The following SPECC1 variants were observed in gnomAD, a reference collection of about 807,000 sequenced individuals.
The protein encoded by SPECC1 is cytospin-B.
Under a neutral mutation model 104.1 loss-of-function variants are expected in SPECC1, and 62 were observed. That is an observed-to-expected ratio of 0.60 (90% confidence interval 0.49 to 0.74). The LOEUF (loss-of-function observed/expected upper bound fraction) is 0.74. Ranked by LOEUF, SPECC1 falls within the 30% of genes least tolerant of loss-of-function variation. SPECC1 has a pLI of 0.00. For missense variants in SPECC1, 1,306 were observed against 1,310.5 expected (o/e 1.00, Z 0.05); for synonymous variants, 513 against 501.6 (o/e 1.02, Z -0.30).
intron 4 of SPECC1, among the ~76,000 whole-genome samples, chr17:20,207,030 C>G (rs2036832223): frequency 6.6e-6 from 1 of 152,104 alleles, no homozygotes; most frequent in Admixed American, 6.5e-5. Context: ...ATATTCTGCC[C>G]ACCTCCCAGA....
At chr17:20,286,142 TG>T (rs756657487) in intron 12 of SPECC1, among the ~76,000 whole-genome samples, 7 of 152,154 alleles carry the variant, frequency 4.6e-5, no homozygotes, top group Non-Finnish European at 4.4e-5. Flanking sequence ...CACATGTGCA[TG>T]GGGGATGCTC....
Position 20,204,653 on chromosome 17 carries a change from G to T in SPECC1, c.604G>T (p.Ala202Ser). Residue 202 changes from alanine (A) to serine (S), a missense_variant, in exon 4 of 15, where the codon GCT (alanine) becomes TCT (serine). Around this residue, in one of 2 missense-constraint regions of SPECC1, gnomAD observed 1,177 missense variants for 1,139.9 expected, o/e 1.03. Transcript: ENST00000395527. ...ATACAAAGAGAAAAGGACTCTGAAC[G>T]CTGAGGGGACTGATGCTTTGGGCCC... is the stretch of plus-strand genomic sequence containing the variant. The part of the protein sequence containing the change: ...KKYKEKRTLN[A>S]EGTDALGPNV... The T allele has an allele frequency of 6.2e-7, 1 of 1,614,072 alleles. No individual in the cohort carries two copies. The highest frequency in any genetic ancestry group is 1.1e-5 in the South Asian group (1 of 91,054).
intron 3 of SPECC1, among the ~76,000 whole-genome samples, chr17:20,145,781 C>CAGGA (rs903325859): frequency 2.0e-5 from 3 of 152,066 alleles, no homozygotes; most frequent in East Asian, 1.9e-4. Context: ...CCCTGGCAGG[C>CAGGA]AGGAAGGAAG....
chr17:20,026,057 GGTT>G (rs1567800062), intron 1 of SPECC1, among the ~76,000 whole-genome samples: 1 of 151,060 alleles, frequency 6.6e-6, no homozygotes, highest in Non-Finnish European at 1.5e-5. Flanking sequence ...TTTTGAATTG[GGTT>G]GTTTTGTTGT....
chr17:20,313,314 G>T (rs2041979668), intron 14 of SPECC1, among the ~76,000 whole-genome samples: 2 of 152,128 alleles, frequency 1.3e-5, no homozygotes, highest in African/African-American at 4.8e-5. Context: ...AAAATAAATG[G>T]TTGCATTTGA....
At chr17:20,050,457 T>A (rs1035083786) in intron 1 of SPECC1, among the ~76,000 whole-genome samples, 4 of 152,216 alleles carry the variant, frequency 2.6e-5, no homozygotes, top group Non-Finnish European at 5.9e-5. Flanking sequence ...CTTTTAAAAT[T>A]TAGGCTTAAA....
At chr17:20,137,761 G>A (rs1017694288) in intron 3 of SPECC1, among the ~76,000 whole-genome samples, 2 of 151,958 alleles carry the variant, frequency 1.3e-5, no homozygotes, top group South Asian at 4.1e-4. Context: ...TGCCTCCCGG[G>A]TTCAAGTGAT....
At chr17:20,109,456 G>A (rs1196005632) in intron 2 of SPECC1, among the ~76,000 whole-genome samples, 3 of 152,174 alleles carry the variant, frequency 2.0e-5, no homozygotes, top group Admixed American at 6.5e-5. Flanking sequence ...TCTCATTAAC[G>A]TTGAATGTAA....
chr17:20,299,033 A>G (rs143900276), intron 13 of SPECC1, among the ~76,000 whole-genome samples: 64 of 149,596 alleles, frequency 4.3e-4, no homozygotes, highest in African/African-American at 1.6e-3. Context: ...CTAAGGAACT[A>G]GCTCGAGATT....
rs772928670 is a variant in SPECC1 at position 20,015,298 on chromosome 17, A to ATT, written c.-22+5887_-22+5888dup. Among the ~76,000 whole-genome samples the ATT allele has an allele frequency of 6.7e-3, 950 of 141,928 alleles. 13 individuals are homozygous for ATT. Among genetic ancestry groups the ATT allele is most frequent in the African/African-American group, 0.023 (889 of 38,634 alleles). The allele number at this position is 141,928 out of a possible 152,430, so 93.1% of individuals were successfully genotyped here. A position where few individuals can be genotyped will look rare whatever the true frequency, so the allele number is the denominator to read the frequency against. ...CAAATATTCTGTCTTTTTTAATTTA[A>ATT]TTTTTTTTTTTTTTGAGACAGAGTA... On this transcript the variant is annotated intron_variant, in intron 1 of 14. Transcript: ENST00000395527.
chr17:20,310,063 C>T (rs2041888372), intron 14 of SPECC1, among the ~76,000 whole-genome samples: 1 of 151,984 alleles, frequency 6.6e-6, no homozygotes, highest in African/African-American at 2.4e-5. Flanking sequence ...CTCAGGTGAT[C>T]CACCCACCTC....
At position 20,201,612 on chromosome 17, in the gene SPECC1, T is replaced by C. The variant is rs568418102; in HGVS notation, c.284-2721T>C. Among the ~76,000 whole-genome samples, 30 of 152,256 alleles carry C rather than the reference T, an allele frequency of 2.0e-4. 1 individual carries two copies. In the East Asian group the frequency reaches 5.2e-3, roughly 26 times the overall value. On this transcript the variant is annotated intron_variant, in intron 3 of 14. Transcript: ENST00000395527. ...TCTGACTAGAGTTATGGTGAAACTT[T>C]AGTTATCTTCCAGTTTTTAATACGG...
At chr17:20,036,505 T>A (rs1327450758) in intron 1 of SPECC1, among the ~76,000 whole-genome samples, 1 of 152,246 alleles carries the variant, frequency 6.6e-6, no homozygotes, top group Non-Finnish European at 1.5e-5. Context: ...TGGAGTAATA[T>A]ACGTTGTGCT....
At chr17:20,309,994 T>G in intron 14 of SPECC1, among the ~76,000 whole-genome samples, 1 of 117,218 alleles carries the variant, frequency 8.5e-6, no homozygotes, top group African/African-American at 3.1e-5. Flanking sequence ...ATTTTTTGTA[T>G]TTTTTTTAGT....
At chr17:20,310,785 T>C (rs2041908379) in intron 14 of SPECC1, among the ~76,000 whole-genome samples, 1 of 152,252 alleles carries the variant, frequency 6.6e-6, no homozygotes, top group Admixed American at 6.5e-5. Flanking sequence ...TGGCTGGGCC[T>C]ACTCTGCAAG....
intron 4 of SPECC1, among the ~76,000 whole-genome samples, chr17:20,226,219 A>C (rs2038194920): frequency 6.6e-6 from 1 of 152,242 alleles, no homozygotes; most frequent in African/African-American, 2.4e-5. Flanking sequence ...AAAATAATAT[A>C]GTCAAACAGT....
chr17:20,078,565 G>T (rs2046850770), intron 1 of SPECC1, among the ~76,000 whole-genome samples: 2 of 152,106 alleles, frequency 1.3e-5, no homozygotes, highest in Admixed American at 6.6e-5. Flanking sequence ...GATGGGAACT[G>T]GCAATCATAA....
intron 2 of SPECC1, among the ~76,000 whole-genome samples, chr17:20,098,359 A>G (rs2047753403): frequency 6.6e-6 from 1 of 152,114 alleles, no homozygotes; most frequent in Non-Finnish European, 1.5e-5. Context: ...GTCAACTCCA[A>G]CCAATTCCCA....
chr17:20,066,566 C>T (rs867559424), intron 1 of SPECC1, among the ~76,000 whole-genome samples: 1 of 152,194 alleles, frequency 6.6e-6, no homozygotes, highest in South Asian at 2.1e-4. Context: ...GGTCATCTTA[C>T]TCTGTTTTTA....
Sources: gnomAD v4.1 joint callset for allele counts (sites outside exome capture counted in the v4.1 genomes callset) on GRCh38, gnomAD v4.1.1 for gene constraint, gnomAD v4.1.1 regional missense constraint, MANE v1.5 for transcripts, NCBI Gene and HGNC (gene_info 2026-07-23, HGNC 2026-07-21) for gene names.